SCFD2: variants seen among roughly 807,000 people sequenced by gnomAD.
SCFD2 encodes sec1 family domain-containing protein 2.
In SCFD2, 54 loss-of-function variants were observed where a neutral mutation model predicts 58.9. The ratio of observed to expected loss-of-function variants is 0.92; its 90% CI spans 0.74 to 1.15. SCFD2 has a LOEUF of 1.15. SCFD2 is among the 50% of genes most tolerant of loss of function. The pLI, the probability that SCFD2 is intolerant of heterozygous loss-of-function variation, is 0.00. For synonymous variants in SCFD2, 321 were observed against 335.9 expected (o/e 0.96, Z 0.49); for missense variants, 805 against 836.6 (o/e 0.96, Z 0.47).
intron 7 of SCFD2, among the ~76,000 whole-genome samples, chr4:52,887,772 C>T (rs1283391238): frequency 3.3e-5 from 5 of 152,124 alleles, no homozygotes; most frequent in South Asian, 2.1e-4. Context: ...CAGGCAGTCC[C>T]GAGGAGTGCC....
intron 4 of SCFD2, among the ~76,000 whole-genome samples, chr4:53,212,426 A>AGTT (rs552473529): frequency 2.0e-5 from 3 of 151,838 alleles, no homozygotes; most frequent in Non-Finnish European, 4.4e-5. Context: ...CCAATAACAT[A>AGTT]GTCCAGGAAA....
chr4:53,241,535 G>A (rs748633822), intron 4 of SCFD2, among the ~76,000 whole-genome samples: 6 of 152,134 alleles, frequency 3.9e-5, no homozygotes, highest in South Asian at 2.1e-4. Context: ...GACCAGCAGC[G>A]TGCTCCAGTA....
intron 5 of SCFD2, among the ~76,000 whole-genome samples, chr4:52,940,920 C>T (rs1254589909): frequency 6.6e-6 from 1 of 152,036 alleles, no homozygotes; most frequent in African/African-American, 2.4e-5. Flanking sequence ...TTAGAAATGC[C>T]CTTCTGATCC....
intron 6 of SCFD2, among the ~76,000 whole-genome samples, chr4:52,914,958 T>TA (rs775276626): frequency 1.7e-4 from 26 of 152,268 alleles, no homozygotes; most frequent in East Asian, 7.7e-4. Flanking sequence ...CTTAAAAAAA[T>TA]ACCACATTTA....
At chr4:53,190,876 A>C (rs1009535097) in intron 4 of SCFD2, among the ~76,000 whole-genome samples, 3 of 147,010 alleles carry the variant, frequency 2.0e-5, no homozygotes, top group African/African-American at 8.2e-5. Context: ...TTAAAACTAG[A>C]GAATTCCTAT....
chr4:53,245,573 A>C (rs1269021254), intron 4 of SCFD2, among the ~76,000 whole-genome samples: 1 of 152,192 alleles, frequency 6.6e-6, no homozygotes, highest in Non-Finnish European at 1.5e-5. Context: ...TCATGTTGAA[A>C]ACACTCAACA....
At chr4:52,944,316 G>T (rs562902889) in intron 5 of SCFD2, among the ~76,000 whole-genome samples, 3 of 152,218 alleles carry the variant, frequency 2.0e-5, no homozygotes, top group East Asian at 3.9e-4. Context: ...AAATGTCTCT[G>T]GTTGTGGGAG....
chr4:53,139,956 T>C (rs1726077083), intron 5 of SCFD2, among the ~76,000 whole-genome samples: 1 of 152,144 alleles, frequency 6.6e-6, no homozygotes. Context: ...CAGGGTTAAA[T>C]GGATTAAGGG....
intron 4 of SCFD2, among the ~76,000 whole-genome samples, chr4:53,168,697 A>C (rs1455881615): frequency 2.0e-5 from 3 of 152,218 alleles, no homozygotes; most frequent in African/African-American, 7.2e-5. Context: ...GAAATTATTA[A>C]ATCAAGTTAG....
At chr4:52,966,618 A>C (rs185944498) in intron 5 of SCFD2, among the ~76,000 whole-genome samples, 1 of 152,214 alleles carries the variant, frequency 6.6e-6, no homozygotes, top group Admixed American at 6.5e-5. Context: ...AATATACTTC[A>C]TTTGTTTGGT....
rs3052566 is a variant in SCFD2, at chr4:52,875,802, CTATATATATATATA to C, written c.1963-1755_1963-1742del. Among the ~76,000 whole-genome samples, 258 of 61,232 alleles carry C rather than the reference CTATATATATATATA, an allele frequency of 4.2e-3. 1 individual carries two copies. Among genetic ancestry groups the C allele is most frequent in the Admixed American group, 5.8e-3 (27 of 4,652 alleles). The allele number at this position is 61,232 out of a possible 152,430, so 40.2% of individuals were successfully genotyped here. A position where few individuals can be genotyped will look rare whatever the true frequency, so the allele number is the denominator to read the frequency against. ...CTTCTTGAAAGAGGATTATCTTTAA[CTATATATATATATA>C]TATATATATATATATATATATATAT... On this transcript the variant is annotated intron_variant, in intron 8 of 8. Transcript: ENST00000401642.
At position 52,885,798 on chromosome 4, in the gene SCFD2, A is replaced by T. The variant is rs756077043; in HGVS notation, c.1911T>A (p.Ser637=). Residue 637 remains serine, a synonymous_variant, in exon 8 of 9, where the codon TCT becomes TCA. Coordinates refer to ENST00000401642, the MANE Select transcript of SCFD2 (RefSeq NM_152540.4). ...CAAGATCTTTGACCATTTTCACTTC[A>T]GAGACTGTGACCCCACCTACCACAA... The part of the protein sequence containing the change: ...ILFVVGGVTV[S]EVKMVKDLVA... 1 of 1,614,168 alleles carries T rather than the reference A, an allele frequency of 6.2e-7. No individual in the cohort carries two copies. The highest frequency in any genetic ancestry group is 2.2e-5 in the East Asian group (1 of 44,886).
At chr4:52,926,406 G>A (rs147262195) in intron 5 of SCFD2, among the ~76,000 whole-genome samples, 208 of 152,000 alleles carry the variant, frequency 1.4e-3, no homozygotes, top group Non-Finnish European at 2.1e-3. Flanking sequence ...ACACACGCAC[G>A]CGTGCGCACC....
chr4:53,025,964 T>C (rs370281625), intron 5 of SCFD2, among the ~76,000 whole-genome samples: 2 of 129,126 alleles, frequency 1.5e-5, no homozygotes, highest in African/African-American at 2.8e-5. Flanking sequence ...TGTTCTTATG[T>C]ACTTTCATGA....
chr4:53,228,332 T>C (rs1729295634), intron 4 of SCFD2, among the ~76,000 whole-genome samples: 1 of 152,158 alleles, frequency 6.6e-6, no homozygotes, highest in Non-Finnish European at 1.5e-5. Flanking sequence ...GCAAGATTGA[T>C]ACATTTCTGA....
chr4:53,175,707 C>A (rs1050146515), intron 4 of SCFD2, among the ~76,000 whole-genome samples: 2 of 152,140 alleles, frequency 1.3e-5, no homozygotes, highest in Non-Finnish European at 2.9e-5. Flanking sequence ...TGACTATAAG[C>A]CATGACACTT....
At chr4:53,354,358 G>A (rs1307795962) in intron 1 of SCFD2, among the ~76,000 whole-genome samples, 2 of 152,142 alleles carry the variant, frequency 1.3e-5, no homozygotes, top group African/African-American at 2.4e-5. Context: ...TGGACCGGCC[G>A]GCCACTCCAA....
intron 4 of SCFD2, among the ~76,000 whole-genome samples, chr4:53,273,180 A>G (rs1731227856): frequency 6.6e-6 from 1 of 152,224 alleles, no homozygotes; most frequent in Non-Finnish European, 1.5e-5. Flanking sequence ...AAGTTTACAG[A>G]TACTTGCCAT....
intron 5 of SCFD2, among the ~76,000 whole-genome samples, chr4:52,974,579 A>T (rs1183296157): frequency 1.3e-5 from 2 of 152,240 alleles, no homozygotes; most frequent in Non-Finnish European, 2.9e-5. Context: ...AATATCATGA[A>T]AATGGCCATA....
Sources: allele counts gnomAD v4.1 joint callset (sites outside exome capture counted in the v4.1 genomes callset), GRCh38; gene constraint gnomAD v4.1.1; transcripts MANE v1.5; gene names NCBI Gene and HGNC (gene_info 2026-07-23, HGNC 2026-07-21).